The following CXXC4 variants were observed in gnomAD, a reference collection of about 807,000 sequenced individuals.
CXXC4 encodes CXXC finger protein 4.
Under a neutral mutation model 20.5 loss-of-function variants are expected in CXXC4, and 5 were observed. The observed-to-expected ratio is 0.24, with a 90% confidence interval of 0.13 to 0.51. CXXC4 has a LOEUF of 0.51. Ranked by LOEUF, CXXC4 falls within the 20% of genes least tolerant of loss-of-function variation. CXXC4 has a pLI of 0.97. For synonymous variants in CXXC4, 250 were observed against 216.4 expected (o/e 1.16, Z -1.36); for missense variants, 419 against 496.4 (o/e 0.84, Z 1.48).
At chr4:104,482,381 T>C (rs1736578012) in intron 2 of CXXC4, among the ~76,000 whole-genome samples, 1 of 152,198 alleles carries the variant, frequency 6.6e-6, no homozygotes. Flanking sequence ...TCTCTTTCGA[T>C]GGAAATAAGC....
In CXXC4 at chr4:104,469,996, T is replaced by C. The variant is rs1429510731; in HGVS notation, c.*2326A>G. 1 of 152,010 alleles carries C rather than the reference T, an allele frequency of 6.6e-6. No individual in the cohort carries two copies. Among genetic ancestry groups the C allele is most frequent in the South Asian group, 2.1e-4 (1 of 4,832 alleles). 9.4% of individuals were successfully genotyped at this position (152,010 alleles called of 1,614,324 possible). On this transcript the variant is annotated 3_prime_UTR_variant, in exon 3 of 3. Transcript: ENST00000394767. ...TACTTCTATGAGATCTTTAGGTTAT[T>C]GTATGCCTACTGTAGCCTGAATAGA...
At chr4:104,472,435 C>A in intron 2 of CXXC4, 69 bp from the exon 3 acceptor site, 1 of 1,103,758 alleles carries the variant, frequency 9.1e-7, no homozygotes, top group South Asian at 1.4e-5. Context: ...GATTTTTCTC[C>A]TTTACACTTC....
In CXXC4 at chr4:104,491,249, G is replaced by C; in HGVS notation, c.554C>G (p.Pro185Arg). The C allele has an allele frequency of 6.2e-7, 1 of 1,612,756 alleles. No individual in the cohort carries two copies. Among genetic ancestry groups the C allele is most frequent in the Non-Finnish European group, 8.5e-7 (1 of 1,179,808 alleles). The change falls in exon 2 of 3, where the codon CCG (proline) becomes CGG (arginine). Residue 185 changes from proline (P) to arginine (R), a missense_variant. Physicochemically the swap from Pro to Arg is moderately radical, Grantham distance 103. Transcript: ENST00000394767. ...DSQRLGKAGC[P>R]PEPSLQMANT... ...TGCCATTTGCAACGACGGCTCTGGC[G>C]GGCAGCCAGCTTTCCCCAGCCTCTG...
In CXXC4 at chr4:104,469,022, G is replaced by A. The variant is rs967412692; in HGVS notation, c.*3300C>T. On this transcript the variant is annotated 3_prime_UTR_variant, in exon 3 of 3. Transcript: ENST00000394767. ...GCACCATCTCTTGCTCCTTATAAAT[G>A]TGTTTAGAAGAAGGAAATTGAGTGT... The A allele has an allele frequency of 6.6e-6, 1 of 151,990 alleles. No individual in the cohort carries two copies. Among genetic ancestry groups the A allele is most frequent in the African/African-American group, 2.4e-5 (1 of 41,398 alleles). 9.4% of individuals were successfully genotyped at this position (151,990 alleles called of 1,614,324 possible).
intron 2 of CXXC4, among the ~76,000 whole-genome samples, chr4:104,489,932 T>C (rs953404464): frequency 2.6e-5 from 4 of 152,194 alleles, no homozygotes; most frequent in African/African-American, 9.7e-5. Flanking sequence ...CACAAAATGG[T>C]TACTTTGTCC....
chr4:104,489,448 T>C (rs886779492), intron 2 of CXXC4, among the ~76,000 whole-genome samples: 1 of 152,180 alleles, frequency 6.6e-6, no homozygotes, highest in South Asian at 2.1e-4. Flanking sequence ...AGCAAACTCC[T>C]CTAAGCAGTA....
chr4:104,478,361 G>T (rs1437791145), intron 2 of CXXC4, among the ~76,000 whole-genome samples: 1 of 152,136 alleles, frequency 6.6e-6, no homozygotes, highest in African/African-American at 2.4e-5. Context: ...AGTCCATATG[G>T]TGATAAAGCC....
intron 2 of CXXC4, among the ~76,000 whole-genome samples, chr4:104,479,557 G>C (rs942159493): frequency 2.6e-5 from 4 of 152,098 alleles, no homozygotes; most frequent in African/African-American, 9.7e-5. Context: ...ACCACTGGGA[G>C]AGACTCAGCC....
At position 104,491,673 on chromosome 4, in the gene CXXC4, A is replaced by G; in HGVS notation, c.130T>C (p.Ser44Pro). Residue 44 changes from serine (S) to proline (P), a missense_variant, in exon 2 of 3, where the codon TCC becomes CCC. Physicochemically the swap from Ser to Pro is moderately conservative, Grantham distance 74. This residue lies in a region of CXXC4 where 388 missense variants were observed against 416.0 expected (regional missense o/e 0.93). Transcript: ENST00000394767. ...DYNSEMERYR[S>P]FATSFYKTNG... is the part of the protein sequence containing the mutation. The stretch of plus-strand genomic sequence containing the variant: ...GTCTTGTAGAAGGAGGTGGCAAAGG[A>G]GCGGTAGCGCTCCATTTCCGAGTTG... The G allele has an allele frequency of 6.5e-7, 1 of 1,545,082 alleles. No homozygotes were observed. The highest frequency in any genetic ancestry group is 1.2e-5 in the South Asian group (1 of 83,572).
chr4:104,493,535 A>C (rs1235407936), intron 1 of CXXC4, among the ~76,000 whole-genome samples: 1 of 152,226 alleles, frequency 6.6e-6, no homozygotes, highest in East Asian at 1.9e-4. Context: ...TGCTCTAAAA[A>C]GAGGGGTTTA....
intron 2 of CXXC4, among the ~76,000 whole-genome samples, chr4:104,486,635 A>T (rs1736702857): frequency 6.6e-6 from 1 of 152,018 alleles, no homozygotes; most frequent in East Asian, 1.9e-4. Context: ...AAAATTGAAA[A>T]CTCATTTCTT....
Position 104,491,479 on chromosome 4 carries a change from G to A in CXXC4, c.324C>T (p.Gly108=), listed in dbSNP as rs1235694684. 1.3e-5 allele frequency: 5 copies of A among 377,914 alleles called. No homozygotes were observed. Among genetic ancestry groups the A allele is most frequent in the Non-Finnish European group, 1.9e-5 (5 of 264,382 alleles). 23.4% of individuals were successfully genotyped at this position (377,914 alleles called of 1,614,324 possible). ...CCCCCCCGCCGCCGCCCCCGCCCCC[G>A]CCGCTGCCCCAGAGCATGGCGGTGG... is the stretch of plus-strand genomic sequence containing the variant. ...AAATAMLWGS[G]GGGGGGGGGG... The change falls in exon 2 of 3, where the codon GGC becomes GGT. Residue 108 remains glycine (G), a synonymous_variant. Coordinates refer to ENST00000394767, the MANE Select transcript of CXXC4 (RefSeq NM_025212.4).
At chr4:104,486,817 G>A (rs1052589936) in intron 2 of CXXC4, among the ~76,000 whole-genome samples, 1 of 152,002 alleles carries the variant, frequency 6.6e-6, no homozygotes, top group Non-Finnish European at 1.5e-5. Flanking sequence ...TTTTACATCT[G>A]GTCTACAAGT....
At chr4:104,479,175 A>T (rs1578317029) in intron 2 of CXXC4, among the ~76,000 whole-genome samples, 1 of 152,118 alleles carries the variant, frequency 6.6e-6, no homozygotes, top group East Asian at 1.9e-4. Context: ...ATTTTAAAGC[A>T]GTCAGTGAAA....
In CXXC4 at chr4:104,490,944, A is replaced by T; in HGVS notation, c.859T>A (p.Ser287Thr). ...LADCPQNHSS[S>T]SSSSSGGAGG... ...GCTCCCCCTGAGGAGGACGAGGAGG[A>T]GGAGGAATGATTCTGCGGGCAGTCT... Residue 287 changes from serine (S) to threonine (T), a missense_variant, in exon 2 of 3, where the codon TCC becomes ACC. Ser to Thr is a moderately conservative substitution (Grantham distance 58). This residue lies in a region of CXXC4 where 388 missense variants were observed against 416.0 expected (regional missense o/e 0.93). Coordinates refer to ENST00000394767, the MANE Select transcript of CXXC4 (RefSeq NM_025212.4). 1 of 1,614,030 alleles carries T rather than the reference A, an allele frequency of 6.2e-7. No individual in the cohort carries two copies. Among genetic ancestry groups the T allele is most frequent in the East Asian group, 2.2e-5 (1 of 44,838 alleles).
chr4:104,478,325 C>T (rs1249651368), intron 2 of CXXC4, among the ~76,000 whole-genome samples: 1 of 152,064 alleles, frequency 6.6e-6, no homozygotes, highest in Non-Finnish European at 1.5e-5. Flanking sequence ...TGACTTTATA[C>T]ATTATGTTGT....
chr4:104,487,403 G>C (rs1736727495), intron 2 of CXXC4, among the ~76,000 whole-genome samples: 2 of 152,116 alleles, frequency 1.3e-5, no homozygotes, highest in African/African-American at 4.8e-5. Context: ...TAAGAGGCTG[G>C]GGTTGCCCAT....
chr4:104,477,849 T>C (rs1298715553), intron 2 of CXXC4, among the ~76,000 whole-genome samples: 4 of 152,136 alleles, frequency 2.6e-5, no homozygotes, highest in Non-Finnish European at 5.9e-5. Flanking sequence ...TATAGCAGAT[T>C]AATTTTTCTA....
At chr4:104,472,457 T>C in intron 2 of CXXC4, 91 bp from the exon 3 acceptor site, 1 of 834,540 alleles carries the variant, frequency 1.2e-6, no homozygotes, top group East Asian at 2.5e-5. Context: ...GCAATATTTT[T>C]AGTTACCAAT....
Sources: allele counts gnomAD v4.1 joint callset (sites outside exome capture counted in the v4.1 genomes callset), GRCh38; gene constraint gnomAD v4.1.1; regional missense constraint gnomAD v4.1.1; transcripts MANE v1.5; gene names NCBI Gene and HGNC (gene_info 2026-07-23, HGNC 2026-07-21).